The following PLA2G4E variants were observed in gnomAD, a reference collection of about 807,000 sequenced individuals.
PLA2G4E encodes the protein phospholipase A2 group IVE.
PLA2G4E carries 84 observed loss-of-function variants against 109.1 expected under a neutral mutation model. That is an observed-to-expected ratio of 0.77 (90% CI 0.65 to 0.92). PLA2G4E has a LOEUF of 0.92. Among genes scored for constraint, PLA2G4E ranks in the 40% least tolerant of loss-of-function variants. The probability of loss-of-function intolerance (pLI) is 0.00; values close to 1 mark genes in which losing one functional copy is unlikely to be tolerated. For missense variants in PLA2G4E, 1,057 were observed against 1,076.6 expected (o/e 0.98, Z 0.25); for synonymous variants, 469 against 436.1 (o/e 1.08, Z -0.94).
chr15:41,981,639 C>A (rs556002747), exon 20 of PLA2G4E: 2 of 152,246 alleles, frequency 1.3e-5, no homozygotes, highest in Non-Finnish European at 2.9e-5. Context: ...TTATAAACCT[C>A]GTTTCACAAA....
At chr15:42,028,235 G>A (rs1375359049) in intron 1 of PLA2G4E, among the ~76,000 whole-genome samples, 1 of 152,134 alleles carries the variant, frequency 6.6e-6, no homozygotes, top group African/African-American at 2.4e-5. Flanking sequence ...AACACAGAGA[G>A]GATAAGAACC....
At chr15:42,036,534 G>A (rs908034485) in intron 1 of PLA2G4E, among the ~76,000 whole-genome samples, 9 of 152,128 alleles carry the variant, frequency 5.9e-5, no homozygotes, top group African/African-American at 1.9e-4. Flanking sequence ...GCGCTGCTCA[G>A]GGCCGCGTCC....
exon 9 of PLA2G4E, chr15:41,999,945 G>A (rs1438094212): frequency 1.9e-6 from 3 of 1,611,360 alleles, no homozygotes; most frequent in South Asian, 2.2e-5. Flanking sequence ...CTGACCATCG[G>A]AAAGGCAGTC....
chr15:42,047,044 C>G (rs1253308500), intron 1 of PLA2G4E, among the ~76,000 whole-genome samples: 1 of 152,204 alleles, frequency 6.6e-6, no homozygotes, highest in African/African-American at 2.4e-5. Context: ...AGATGAGGAG[C>G]TATTTGAAGA....
chr15:42,034,777 GA>G (rs1218360638), intron 1 of PLA2G4E, among the ~76,000 whole-genome samples: 1 of 152,128 alleles, frequency 6.6e-6, no homozygotes, highest in Non-Finnish European at 1.5e-5. Flanking sequence ...GAGAGAAGGA[GA>G]AAAAAAGACA....
intron 1 of PLA2G4E, among the ~76,000 whole-genome samples, chr15:42,023,356 C>A (rs2068665468): frequency 6.6e-6 from 1 of 150,816 alleles, no homozygotes; most frequent in Admixed American, 6.6e-5. Context: ...AGATTAGGGT[C>A]CAAATAATCA....
Position 42,010,139 on chromosome 15 carries a change from C to CCCCG in PLA2G4E, c.257-2275_257-2274insCGGG, listed in dbSNP as rs267604201. 3.6e-3 allele frequency: 1,725 copies of CCCCG among 476,306 alleles called. 60 individuals carry two copies. The highest frequency in any genetic ancestry group is 4.7e-3 in the Middle Eastern group (13 of 2,780). 29.5% of individuals were successfully genotyped at this position (476,306 alleles called of 1,614,324 possible). The stretch of plus-strand genomic sequence containing the variant: ...GGCTTTTCCAGAACACTGGCCCCCC[C>CCCCG]ACCCCGGGCCTGGACCACACCCTTC... On this transcript the variant is annotated intron_variant, in intron 2 of 19. Coordinates refer to ENST00000399518, the Ensembl canonical transcript of PLA2G4E.
intron 1 of PLA2G4E, among the ~76,000 whole-genome samples, chr15:42,016,347 T>C (rs2068595109): frequency 6.6e-6 from 1 of 151,520 alleles, no homozygotes; most frequent in African/African-American, 2.4e-5. Context: ...TAATTCTTTT[T>C]TCTTTGGAGA....
At chr15:42,009,196 A>C (rs2068507324) in intron 2 of PLA2G4E, 1 of 152,238 alleles carries the variant, frequency 6.6e-6, no homozygotes, top group South Asian at 2.1e-4. Context: ...GAATCAAAAG[A>C]AAATGATGAC....
intron 1 of PLA2G4E, among the ~76,000 whole-genome samples, chr15:42,016,411 C>G (rs1487519247): frequency 6.6e-6 from 1 of 151,838 alleles, no homozygotes; most frequent in South Asian, 2.1e-4. Context: ...TATCTTGGCT[C>G]ACTGCAACCT....
At chr15:42,007,002 A>AT (rs758588482) in intron 3 of PLA2G4E, among the ~76,000 whole-genome samples, 1 of 152,238 alleles carries the variant, frequency 6.6e-6, no homozygotes, top group Non-Finnish European at 1.5e-5. Context: ...TAGAAAAGGT[A>AT]TTTTAAAAAT....
intron 3 of PLA2G4E, among the ~76,000 whole-genome samples, chr15:42,006,517 C>T (rs995927016): frequency 1.3e-5 from 2 of 152,186 alleles, no homozygotes; most frequent in Admixed American, 6.5e-5. Flanking sequence ...CTGAAGACAG[C>T]CCCTTTGGTG....
exon 17 of PLA2G4E, chr15:41,987,359 C>G (rs1206475183): frequency 6.2e-7 from 1 of 1,613,574 alleles, no homozygotes; most frequent in Admixed American, 1.7e-5. Flanking sequence ...GGATTTCAGG[C>G]AGGATCGGCT....
intron 4 of PLA2G4E, 113 bp downstream of exon 4, chr15:42,005,877 C>T: frequency 2.3e-6 from 3 of 1,301,442 alleles, no homozygotes; most frequent in Non-Finnish European, 3.1e-6. Context: ...ACCATCTTTT[C>T]TCAACTTGAC....
At chr15:42,046,872 G>C (rs1889425715) in intron 1 of PLA2G4E, among the ~76,000 whole-genome samples, 1 of 152,148 alleles carries the variant, frequency 6.6e-6, no homozygotes, top group Non-Finnish European at 1.5e-5. Flanking sequence ...CAGGAGATGC[G>C]GTGATTCAAA....
intron 18 of PLA2G4E, 99 bp downstream of exon 18, chr15:41,985,740 C>T (rs1327238521): frequency 2.8e-6 from 4 of 1,403,770 alleles, no homozygotes; most frequent in Non-Finnish European, 3.9e-6. Context: ...CTGTCTAGAG[C>T]ATGCCTCTTC....
At chr15:42,004,720 G>A (rs1178343002) in intron 5 of PLA2G4E, among the ~76,000 whole-genome samples, 1 of 152,204 alleles carries the variant, frequency 6.6e-6, no homozygotes, top group African/African-American at 2.4e-5. Flanking sequence ...AATGCTGAGG[G>A]CAGGAGAACT....
chr15:41,983,432 G>T, exon 20 of PLA2G4E: 1 of 315,024 alleles, frequency 3.2e-6, no homozygotes, highest in Non-Finnish European at 5.8e-6. Flanking sequence ...TCTGAGTCGA[G>T]GTTTCTGGGG....
At chr15:42,013,443 C>T (rs1390120272) in intron 2 of PLA2G4E, among the ~76,000 whole-genome samples, 1 of 152,138 alleles carries the variant, frequency 6.6e-6, no homozygotes, top group South Asian at 2.1e-4. Flanking sequence ...CAGGTAGCGC[C>T]GAGGGAACAG....
Sources: allele counts gnomAD v4.1 joint callset (sites outside exome capture counted in the v4.1 genomes callset), GRCh38; gene constraint gnomAD v4.1.1; transcripts MANE v1.5; gene names NCBI Gene and HGNC (gene_info 2026-07-23, HGNC 2026-07-21).